The following WASF3 variants were observed in gnomAD, a reference collection of about 807,000 sequenced individuals.
WASF3 encodes the protein WASP family member 3.
WASF3 carries 11 observed loss-of-function variants against 46.6 expected under a neutral mutation model. That is an observed-to-expected ratio of 0.24 (90% CI 0.15 to 0.39). WASF3 has a LOEUF of 0.39. Among genes scored for constraint, WASF3 ranks in the 10% least tolerant of loss-of-function variants. WASF3 has a pLI of 1.00. For synonymous variants in WASF3, 242 were observed against 259.7 expected (o/e 0.93, Z 0.65); for missense variants, 576 against 669.8 (o/e 0.86, Z 1.55).
intron 1 of WASF3, among the ~76,000 whole-genome samples, chr13:26,612,489 T>C (rs1285767649): frequency 2.0e-5 from 3 of 152,234 alleles, no homozygotes; most frequent in Non-Finnish European, 4.4e-5. Context: ...CTGTAGCTAC[T>C]ATTAGAATAT....
intron 1 of WASF3, among the ~76,000 whole-genome samples, chr13:26,575,634 T>C (rs1482214944): frequency 2.0e-5 from 3 of 152,252 alleles, no homozygotes; most frequent in Non-Finnish European, 4.4e-5. Flanking sequence ...TATGAGTTCT[T>C]GCTTGTTCAA....
intron 2 of WASF3, among the ~76,000 whole-genome samples, chr13:26,631,332 T>C (rs1219820997): frequency 1.3e-5 from 2 of 152,226 alleles, no homozygotes; most frequent in East Asian, 3.8e-4. Flanking sequence ...TTAATCTGTC[T>C]TGAGTTAATT....
chr13:26,617,554 G>A (rs1881172518), intron 2 of WASF3, among the ~76,000 whole-genome samples: 1 of 152,184 alleles, frequency 6.6e-6, no homozygotes, highest in South Asian at 2.1e-4. Context: ...GCTGCCTGGG[G>A]TTGAATTCAG....
intron 7 of WASF3, among the ~76,000 whole-genome samples, 156 bp from the exon 8 acceptor site, chr13:26,680,898 A>C (rs1158525724): frequency 6.6e-6 from 1 of 152,190 alleles, no homozygotes; most frequent in African/African-American, 2.4e-5. Flanking sequence ...GTTGCTTGGA[A>C]TCTCTCACGG....
At chr13:26,598,573 G>A (rs1880546616) in intron 1 of WASF3, among the ~76,000 whole-genome samples, 1 of 152,238 alleles carries the variant, frequency 6.6e-6, no homozygotes, top group East Asian at 1.9e-4. Flanking sequence ...GGGGGACTGA[G>A]CTGGATCTGG....
intron 1 of WASF3, chr13:26,576,834 C>T (rs540284545): frequency 5.8e-5 from 29 of 496,960 alleles, no homozygotes; most frequent in African/African-American, 2.5e-4. Context: ...TAACATCCTA[C>T]GTAACTATAG....
At chr13:26,583,257 A>G (rs532942228) in intron 1 of WASF3, among the ~76,000 whole-genome samples, 8 of 152,360 alleles carry the variant, frequency 5.3e-5, no homozygotes, top group African/African-American at 1.9e-4. Flanking sequence ...ACATGGGGAC[A>G]AGTTCCAAAG....
At chr13:26,568,175 G>A (rs940276632) in intron 1 of WASF3, among the ~76,000 whole-genome samples, 10 of 152,146 alleles carry the variant, frequency 6.6e-5, no homozygotes, top group Non-Finnish European at 8.8e-5. Context: ...CCATTGCAAA[G>A]TTTTGAGCAG....
chr13:26,582,638 C>CT (rs1244935101), intron 1 of WASF3, among the ~76,000 whole-genome samples: 2 of 125,130 alleles, frequency 1.6e-5, no homozygotes, highest in Non-Finnish European at 3.1e-5. Context: ...GATCATACCA[C>CT]TACACTCTAG....
At chr13:26,668,473 G>A (rs1215684935) in intron 5 of WASF3, among the ~76,000 whole-genome samples, 3 of 152,180 alleles carry the variant, frequency 2.0e-5, no homozygotes, top group Admixed American at 6.5e-5. Context: ...TCACAGCCCC[G>A]GGCCAGCTCT....
the WASF3 span, among the ~76,000 whole-genome samples, chr13:26,545,566 CT>C: frequency 5.3e-5 from 8 of 151,966 alleles, no homozygotes; most frequent in Non-Finnish European, 1.0e-4. Flanking sequence ...CTATTTTAGT[CT>C]AAATTGTATT....
chr13:26,592,877 A>AT (rs1880346554), intron 1 of WASF3, among the ~76,000 whole-genome samples: 1 of 152,076 alleles, frequency 6.6e-6, no homozygotes, highest in Non-Finnish European at 1.5e-5. Context: ...GCATACATGG[A>AT]TTATTTTCTA....
intron 3 of WASF3, among the ~76,000 whole-genome samples, chr13:26,660,469 G>C (rs9512313): frequency 0.029 from 4,376 of 152,102 alleles, 75 homozygotes; most frequent in African/African-American, 0.049. Context: ...ACTTAGCAGG[G>C]AGAAATGGTC....
chr13:26,644,351 A>C (rs1190336778), intron 3 of WASF3, among the ~76,000 whole-genome samples: 2 of 152,208 alleles, frequency 1.3e-5, no homozygotes, highest in Non-Finnish European at 2.9e-5. Flanking sequence ...TGGTAATTTG[A>C]TACAACAGCA....
At chr13:26,631,069 A>C (rs1483669765) in intron 2 of WASF3, among the ~76,000 whole-genome samples, 1 of 152,092 alleles carries the variant, frequency 6.6e-6, no homozygotes. Context: ...TTGTCAGATG[A>C]GTAGATTGCA....
At chr13:26,557,521 C>T (rs1879128178), upstream of WASF3, among the ~76,000 whole-genome samples, 1 of 152,132 alleles carries the variant, frequency 6.6e-6, no homozygotes, top group South Asian at 2.1e-4. Flanking sequence ...CCCCGCCCCT[C>T]GGCACCGTCG....
rs192796214 is a variant in WASF3, at chr13:26,578,472, C to T, written c.-109+20653C>T. ...TGTTTGCAATATGGCCTACTTGTGCCTCATCTCACTGACCCAAAATGCAAC... is the reference window on the plus strand; with the variant it reads ...TGTTTGCAATATGGCCTACTTGTGCTTCATCTCACTGACCCAAAATGCAAC... On this transcript the variant is annotated intron_variant, in intron 1 of 9. Transcript: ENST00000335327. Among the ~76,000 whole-genome samples, 302 of 152,288 alleles carry T rather than the reference C, an allele frequency of 2.0e-3. 1 individual carries two copies. The highest frequency in any genetic ancestry group is 6.9e-3 in the African/African-American group (286 of 41,552).
the WASF3 span, among the ~76,000 whole-genome samples, chr13:26,545,145 C>T: frequency 3.9e-5 from 6 of 152,188 alleles, no homozygotes; most frequent in African/African-American, 1.4e-4. Flanking sequence ...AAACCAGAGG[C>T]AACCCAGGAC....
intron 1 of WASF3, among the ~76,000 whole-genome samples, chr13:26,569,522 A>G (rs1487711184): frequency 6.6e-6 from 1 of 152,240 alleles, no homozygotes; most frequent in Non-Finnish European, 1.5e-5. Flanking sequence ...AATCAATATG[A>G]AAATACTGTA....
Sources: gnomAD v4.1 joint callset for allele counts (sites outside exome capture counted in the v4.1 genomes callset) on GRCh38, gnomAD v4.1.1 for gene constraint, MANE v1.5 for transcripts, NCBI Gene and HGNC (gene_info 2026-07-23, HGNC 2026-07-21) for gene names.